SYNE2: variants seen among roughly 807,000 people sequenced by gnomAD.
SYNE2 encodes the protein nesprin-2.
In SYNE2, 431 loss-of-function variants were observed where a neutral mutation model predicts 856.3. The observed-to-expected ratio is 0.50, with a 90% CI of 0.47 to 0.55. The LOEUF (loss-of-function observed/expected upper bound fraction) is 0.55, where lower values mean the gene tolerates loss of function less well. SYNE2 is among the 20% of genes least tolerant of loss of function. The pLI is 0.00. For missense variants in SYNE2, 8,129 were observed against 8,023.2 expected, an observed-to-expected ratio of 1.01 and a Z score of -0.50; for synonymous variants, 2,923 against 2,872.3, an observed-to-expected ratio of 1.02 and a Z score of -0.56.
At chr14:64,220,756 G>A (rs1337950780) in intron 111 of SYNE2, 119 bp downstream of exon 111, 1 of 1,189,770 alleles carries the variant, frequency 8.4e-7, no homozygotes, top group Non-Finnish European at 1.2e-6. Flanking sequence ...CTGGTGTCAG[G>A]AAACATGTGC....
At chr14:64,070,337 A>G (rs1423805220) in intron 51 of SYNE2, among the ~76,000 whole-genome samples, 1 of 152,218 alleles carries the variant, frequency 6.6e-6, no homozygotes, top group African/African-American at 2.4e-5. Context: ...TGCTTATCTC[A>G]GGAGAAATGT....
At chr14:64,028,358 C>T (rs989343489) in intron 43 of SYNE2, among the ~76,000 whole-genome samples, 3 of 151,900 alleles carry the variant, frequency 2.0e-5, no homozygotes, top group Admixed American at 6.6e-5. Flanking sequence ...TAGGCTCAAG[C>T]GATCCTCCCA....
At chr14:64,076,370 A>G (rs988283014) in intron 54 of SYNE2, among the ~76,000 whole-genome samples, 1 of 152,114 alleles carries the variant, frequency 6.6e-6, no homozygotes, top group African/African-American at 2.4e-5. Context: ...AATATTTTTT[A>G]CTGGTTTTGT....
intron 1 of SYNE2, among the ~76,000 whole-genome samples, chr14:63,868,514 T>C (rs1034118989): frequency 5.3e-5 from 8 of 151,078 alleles, no homozygotes; most frequent in African/African-American, 1.7e-4. Context: ...GATGAAATCT[T>C]AGTAATAAAC....
chr14:63,892,882 A>G (rs1377888722), intron 1 of SYNE2, among the ~76,000 whole-genome samples: 1 of 151,962 alleles, frequency 6.6e-6, no homozygotes, highest in Non-Finnish European at 1.5e-5. Flanking sequence ...TTATTTATTT[A>G]GTTTTTAAAT....
At chr14:64,077,761 T>G (rs150070893) in intron 54 of SYNE2, among the ~76,000 whole-genome samples, 291 of 152,314 alleles carry the variant, frequency 1.9e-3, no homozygotes, top group African/African-American at 6.6e-3. Context: ...CAGTCAGGTA[T>G]TTGGAAAGTG....
At chr14:64,093,628 TG>T (rs1019866739) in intron 61 of SYNE2, 148 bp downstream of exon 61, 2 of 873,930 alleles carry the variant, frequency 2.3e-6, no homozygotes, top group African/African-American at 1.7e-5. Context: ...TTTCTGTGTG[TG>T]TTTACTTTCC....
intron 8 of SYNE2, among the ~76,000 whole-genome samples, chr14:63,955,571 G>A (rs1406933171): frequency 1.3e-5 from 2 of 151,960 alleles, no homozygotes; most frequent in Non-Finnish European, 2.9e-5. Flanking sequence ...GAGGTATATG[G>A]GATTAGTGAA....
At position 64,141,997 on chromosome 14, in the gene SYNE2, T is replaced by A; in HGVS notation, c.15215T>A (p.Met5072Lys). The change falls in exon 82 of 116, where the codon ATG becomes AAG. Residue 5072 changes from methionine (M) to lysine (K), a missense_variant. Physicochemically the swap from Met to Lys is moderately conservative, Grantham distance 95 (BLOSUM62 -1). This residue lies in a region of SYNE2 where 5,410 missense variants were observed against 5,284.8 expected (regional missense o/e 1.02). Coordinates refer to ENST00000555002, the MANE Select transcript of SYNE2 (RefSeq NM_182914.3). The part of the protein sequence containing the change: ...RKAITEMISW[M>K]NNVEHQTSDE... ...GCAATCACAGAAATGATTAGCTGGATGAACAATGTGGAGCATCAAACTTCA... is the reference window on the plus strand; with the variant it reads ...GCAATCACAGAAATGATTAGCTGGAAGAACAATGTGGAGCATCAAACTTCA... The A allele has an allele frequency of 6.2e-7, 1 of 1,614,142 alleles. No homozygotes were observed. Among genetic ancestry groups the A allele is most frequent in the Non-Finnish European group, 8.5e-7 (1 of 1,180,012 alleles).
intron 23 of SYNE2, 97 bp from the exon 24 acceptor site, chr14:63,996,850 A>G (rs886842761): frequency 5.1e-6 from 6 of 1,170,312 alleles, no homozygotes; most frequent in Non-Finnish European, 7.5e-6. Context: ...ACAAGAACAC[A>G]TTGTTAAAAC....
chr14:63,822,793 G>A (rs1354570167), intron 1 of SYNE2, among the ~76,000 whole-genome samples: 1 of 152,108 alleles, frequency 6.6e-6, no homozygotes, highest in Non-Finnish European at 1.5e-5. Context: ...ATTTATAACG[G>A]TAGACACCTA....
chr14:63,941,908 C>T lies in SYNE2; in HGVS notation c.261C>T (p.Thr87=). The T allele has an allele frequency of 1.2e-6, 2 of 1,613,266 alleles. No homozygotes were observed. The highest frequency in any genetic ancestry group is 1.7e-6 in the Non-Finnish European group (2 of 1,179,904). Residue 87 remains threonine, a synonymous_variant, in exon 5 of 116, where the codon ACC becomes ACT. Coordinates refer to ENST00000555002, the MANE Select transcript of SYNE2 (RefSeq NM_182914.3). ...QQLPRDKGSN[T]FQCRINIEHA... is the part of the protein sequence containing the mutation. ...AGCCTCGGGATAAAGGATCTAATAC[C>T]TTCCAGTGTAGAATCAATATAGAAC... is the stretch of plus-strand genomic sequence containing the variant.
intron 1 of SYNE2, among the ~76,000 whole-genome samples, chr14:63,768,829 G>A (rs1185729650): frequency 6.6e-6 from 1 of 151,980 alleles, no homozygotes; most frequent in Non-Finnish European, 1.5e-5. Context: ...TGGCTTCCAG[G>A]ACAAGACTGT....
At chr14:63,959,693 C>G (rs1016628621) in intron 8 of SYNE2, among the ~76,000 whole-genome samples, 1 of 151,852 alleles carries the variant, frequency 6.6e-6, no homozygotes, top group East Asian at 1.9e-4. Context: ...TTTTTTTACC[C>G]CCTTCCTTTT....
At chr14:64,024,868 C>CT in intron 39 of SYNE2, 44 bp from the exon 40 acceptor site, 1 of 1,610,876 alleles carries the variant, frequency 6.2e-7, no homozygotes, top group Middle Eastern at 1.7e-4. Context: ...GGTATAAACA[C>CT]TTTTTGCTTA....
At chr14:63,849,852 G>A (rs567784219), upstream of SYNE2, among the ~76,000 whole-genome samples, 1 of 152,272 alleles carries the variant, frequency 6.6e-6, no homozygotes, top group East Asian at 1.9e-4. Context: ...TGCTCAGTAC[G>A]CTGTGCAAGT....
intron 33 of SYNE2, among the ~76,000 whole-genome samples, chr14:64,017,183 G>A (rs748115272): frequency 4.6e-5 from 7 of 151,790 alleles, no homozygotes; most frequent in Non-Finnish European, 1.0e-4. Flanking sequence ...ACAAATATTA[G>A]CCGGGCATGG....
At chr14:64,136,525 C>A (rs936541218) in intron 78 of SYNE2, among the ~76,000 whole-genome samples, 6 of 151,908 alleles carry the variant, frequency 3.9e-5, no homozygotes, top group Non-Finnish European at 8.8e-5. Flanking sequence ...AATAGCAAAC[C>A]TTCTGTTTTG....
At chr14:64,118,898 A>T (rs556211751) in intron 66 of SYNE2, among the ~76,000 whole-genome samples, 1 of 150,916 alleles carries the variant, frequency 6.6e-6, no homozygotes, top group Non-Finnish European at 1.5e-5. Flanking sequence ...AGGTAGGGGG[A>T]AAATAAGAAT....
Sources: allele counts gnomAD v4.1 joint callset (sites outside exome capture counted in the v4.1 genomes callset), GRCh38; gene constraint gnomAD v4.1.1; regional missense constraint gnomAD v4.1.1; transcripts MANE v1.5; gene names NCBI Gene and HGNC (gene_info 2026-07-23, HGNC 2026-07-21).